The following TRIM24 variants were observed in gnomAD, a reference collection of about 807,000 sequenced individuals.
The protein encoded by TRIM24 is tripartite motif containing 24.
In TRIM24, 29 loss-of-function variants were observed where a neutral mutation model predicts 123.9. The observed-to-expected ratio is 0.23, with a 90% CI of 0.17 to 0.32. The LOEUF is 0.32. Among genes scored for constraint, TRIM24 ranks in the 10% least tolerant of loss-of-function variants. The pLI is 1.00. For missense variants in TRIM24, 932 were observed against 1,295.3 expected (o/e 0.72, Z 4.31); for synonymous variants, 456 against 461.1 (o/e 0.99, Z 0.14).
chr7:138,531,220 A>T (rs1300639234), intron 6 of TRIM24, among the ~76,000 whole-genome samples: 2 of 147,190 alleles, frequency 1.4e-5, no homozygotes, highest in Non-Finnish European at 2.9e-5. Flanking sequence ...CGTGTATGTT[A>T]CATACGTATA....
At chr7:138,536,035 C>T (rs1252441406) in intron 6 of TRIM24, among the ~76,000 whole-genome samples, 9 of 152,116 alleles carry the variant, frequency 5.9e-5, no homozygotes, top group South Asian at 4.1e-4. Flanking sequence ...GCATTCGTCA[C>T]GTACTTCTTG....
chr7:138,492,834 TATTA>T (rs2116502745), intron 1 of TRIM24, among the ~76,000 whole-genome samples: 1 of 152,330 alleles, frequency 6.6e-6, no homozygotes, highest in African/African-American at 2.4e-5. Context: ...AGTTTTTAGG[TATTA>T]ATTATTCCAT....
chr7:138,490,055 T>C (rs1396160105), intron 1 of TRIM24, among the ~76,000 whole-genome samples: 2 of 152,198 alleles, frequency 1.3e-5, no homozygotes, highest in Non-Finnish European at 2.9e-5. Flanking sequence ...CATTTCTTTT[T>C]ACTCTTTTTT....
At chr7:138,542,188 G>A (rs1240168312) in intron 7 of TRIM24, among the ~76,000 whole-genome samples, 1 of 152,114 alleles carries the variant, frequency 6.6e-6, no homozygotes, top group Non-Finnish European at 1.5e-5. Flanking sequence ...TTCACAACTT[G>A]GCTAACTGGT....
rs1182422976 is a variant in TRIM24, at chr7:138,525,365, TA to T, written c.881+9del. ...AAATCAGATCCAAAACAGGTAATTT[TA>T]TGGTATTATGTAATCATTTTTATAT... On this transcript the variant is annotated intron_variant, in intron 5 of 18. Coordinates refer to ENST00000343526, the MANE Select transcript of TRIM24 (RefSeq NM_015905.3). The T allele has an allele frequency of 7.3e-7, 1 of 1,371,326 alleles. No homozygotes were observed. Among genetic ancestry groups the T allele is most frequent in the Non-Finnish European group, 9.8e-7 (1 of 1,016,602 alleles). 84.9% of individuals were successfully genotyped at this position (1,371,326 alleles called of 1,614,324 possible). A position where few individuals can be genotyped will look rare whatever the true frequency, so the allele number is the denominator to read the frequency against.
At chr7:138,583,816 C>A in intron 17 of TRIM24, 34 bp from the exon 18 acceptor site, 1 of 1,392,010 alleles carries the variant, frequency 7.2e-7, no homozygotes, top group Non-Finnish European at 9.9e-7. Flanking sequence ...TGGAATTTAG[C>A]TATTTGTATT....
intron 1 of TRIM24, among the ~76,000 whole-genome samples, chr7:138,463,458 C>G (rs1482491896): frequency 6.6e-6 from 1 of 152,106 alleles, no homozygotes; most frequent in Non-Finnish European, 1.5e-5. Flanking sequence ...TCTCGAACTT[C>G]TGACCTCAGG....
intron 7 of TRIM24, among the ~76,000 whole-genome samples, chr7:138,543,386 C>G (rs753152646): frequency 2.6e-5 from 4 of 152,164 alleles, no homozygotes; most frequent in Non-Finnish European, 4.4e-5. Context: ...GCCTGTAATG[C>G]ATGCAGAGCT....
intron 7 of TRIM24, among the ~76,000 whole-genome samples, chr7:138,543,569 TGCC>T: frequency 1.3e-5 from 2 of 152,160 alleles, no homozygotes; most frequent in African/African-American, 4.8e-5. Context: ...GGAAACGAAA[TGCC>T]TAGCAGCCCT....
chr7:138,500,437 C>T (rs1270828300), intron 1 of TRIM24, among the ~76,000 whole-genome samples: 1 of 151,674 alleles, frequency 6.6e-6, no homozygotes, highest in African/African-American at 2.4e-5. Context: ...GTGGCACAGG[C>T]CTGTAGTCCC....
intron 1 of TRIM24, among the ~76,000 whole-genome samples, chr7:138,467,760 A>G (rs192478789): frequency 6.6e-6 from 1 of 152,362 alleles, no homozygotes; most frequent in African/African-American, 2.4e-5. Flanking sequence ...TTTACATAGT[A>G]TAAATATTAA....
Position 138,460,364 on chromosome 7 carries a change from C to A in TRIM24, c.-185C>A, listed in dbSNP as rs529880786. On this transcript the variant is annotated 5_prime_UTR_variant, in exon 1 of 19. Coordinates refer to ENST00000343526, the MANE Select transcript of TRIM24 (RefSeq NM_015905.3). ...ATACCCTCCTTCCGGCCGCGCCACT[C>A]GGGAGGCGGATCCCGTGGGCCTGAG... The A allele has an allele frequency of 3.7e-5, 19 of 517,086 alleles. No homozygotes were observed. In the East Asian group the frequency reaches 6.7e-4, roughly 18 times the overall value. 32.0% of individuals were successfully genotyped at this position (517,086 alleles called of 1,614,324 possible). A position where few individuals can be genotyped will look rare whatever the true frequency, so the allele number is the denominator to read the frequency against.
intron 4 of TRIM24, among the ~76,000 whole-genome samples, chr7:138,523,672 AC>A (rs1366430466): frequency 4.8e-5 from 7 of 145,176 alleles, no homozygotes; most frequent in African/African-American, 1.8e-4. Context: ...AATGGCGTGA[AC>A]CCAGGAGGCA....
intron 9 of TRIM24, among the ~76,000 whole-genome samples, chr7:138,559,356 T>G (rs898793783): frequency 6.6e-6 from 1 of 151,850 alleles, no homozygotes; most frequent in Non-Finnish European, 1.5e-5. Context: ...TGGGGATGAG[T>G]AGCAACAAAG....
At chr7:138,539,761 G>A (rs1378896751) in intron 7 of TRIM24, among the ~76,000 whole-genome samples, 2 of 145,618 alleles carry the variant, frequency 1.4e-5, no homozygotes, top group Non-Finnish European at 3.0e-5. Context: ...GTAGTATTAT[G>A]TTTTTTAAAA....
intron 18 of TRIM24, 35 bp downstream of exon 18, chr7:138,584,034 C>G (rs751695232): frequency 6.4e-6 from 10 of 1,569,246 alleles, no homozygotes; most frequent in Non-Finnish European, 7.7e-6. Context: ...CAGGAAGGAA[C>G]AGCAGTGTGA....
Position 138,460,317 on chromosome 7 carries a change from G to A in TRIM24, c.-232G>A, listed in dbSNP as rs1794928465. 2.5e-6 allele frequency: 1 copy of A among 406,914 alleles called. No individual in the cohort carries two copies. The highest frequency in any genetic ancestry group is 4.5e-5 in the Admixed American group (1 of 22,162). 25.2% of individuals were successfully genotyped at this position (406,914 alleles called of 1,614,324 possible). On this transcript the variant is annotated 5_prime_UTR_variant, in exon 1 of 19. Transcript: ENST00000343526. ...GGACGGGGTGCAGCCTCCCCGGTGC[G>A]AGGAACGGTCTCCGCTGACAGATAC...
chr7:138,552,028 A>AGTT (rs1797222687), intron 8 of TRIM24, among the ~76,000 whole-genome samples: 1 of 151,926 alleles, frequency 6.6e-6, no homozygotes, highest in Non-Finnish European at 1.5e-5. Flanking sequence ...TTATAAATAC[A>AGTT]GTTTTTTTTT....
chr7:138,524,661 C>T (rs1796573086), intron 4 of TRIM24, among the ~76,000 whole-genome samples: 1 of 152,108 alleles, frequency 6.6e-6, no homozygotes, highest in African/African-American at 2.4e-5. Context: ...TAGAACTTCT[C>T]TTGAGTTATC....
Sources: gnomAD v4.1 joint callset for allele counts (sites outside exome capture counted in the v4.1 genomes callset) on GRCh38, gnomAD v4.1.1 for gene constraint, MANE v1.5 for transcripts, NCBI Gene and HGNC (gene_info 2026-07-23, HGNC 2026-07-21) for gene names.